ZMYND11: variants seen among roughly 807,000 people sequenced by gnomAD.
ZMYND11 encodes the protein zinc finger MYND-type containing 11.
ZMYND11 carries 9 observed loss-of-function variants against 84.9 expected under a neutral mutation model. That is an observed-to-expected ratio of 0.11 (90% CI 0.06 to 0.18). The LOEUF (loss-of-function observed/expected upper bound fraction) is 0.18, where lower values mean the gene tolerates loss of function less well. Ranked by LOEUF, ZMYND11 falls within the 10% of genes least tolerant of loss-of-function variation. The pLI is 1.00. For synonymous variants in ZMYND11, 250 were observed against 244.1 expected, an observed-to-expected ratio of 1.02 and a Z score of -0.23; for missense variants, 409 against 761.0, an observed-to-expected ratio of 0.54 and a Z score of 5.44.
At chr10:251,000 G>A (rs1313225568) in intron 14 of ZMYND11, among the ~76,000 whole-genome samples, 2 of 152,204 alleles carry the variant, frequency 1.3e-5, no homozygotes, top group Non-Finnish European at 2.9e-5. Flanking sequence ...TCCAGCCTGG[G>A]CGACAGAGCG....
chr10:156,603 A>G (rs2379049), intron 1 of ZMYND11, among the ~76,000 whole-genome samples: 98,321 of 152,044 alleles, frequency 0.65, 31,995 homozygotes, highest in East Asian at 0.83. Context: ...AAGATGTTAT[A>G]TACTTTAGCT....
At chr10:163,482 C>T (rs1554762679) in intron 1 of ZMYND11, among the ~76,000 whole-genome samples, 1 of 151,928 alleles carries the variant, frequency 6.6e-6, no homozygotes, top group Non-Finnish European at 1.5e-5. Flanking sequence ...GGGAGATTGC[C>T]TCAAATTTAT....
intron 1 of ZMYND11, among the ~76,000 whole-genome samples, chr10:170,201 A>G (rs1844962428): frequency 6.6e-6 from 1 of 152,138 alleles, no homozygotes; most frequent in Non-Finnish European, 1.5e-5. Context: ...TAAAAAGTAA[A>G]GATACAGACT....
At chr10:156,804 T>A (rs1016975148) in intron 1 of ZMYND11, among the ~76,000 whole-genome samples, 2 of 152,190 alleles carry the variant, frequency 1.3e-5, no homozygotes, top group Non-Finnish European at 2.9e-5. Context: ...TTCTGAATAC[T>A]TATTTAATAA....
At chr10:248,261 T>C in intron 12 of ZMYND11, 75 bp from the exon 13 acceptor site, 1 of 1,529,296 alleles carries the variant, frequency 6.5e-7, no homozygotes, top group Non-Finnish European at 8.8e-7. Flanking sequence ...TGAATTTTTA[T>C]CCGAATGGGG....
At chr10:196,640 A>C (rs1255169247) in intron 2 of ZMYND11, among the ~76,000 whole-genome samples, 1 of 152,210 alleles carries the variant, frequency 6.6e-6, no homozygotes, top group Non-Finnish European at 1.5e-5. Context: ...TATACTAAGA[A>C]GCATTGTACA....
intron 4 of ZMYND11, among the ~76,000 whole-genome samples, chr10:223,245 G>C (rs1164997522): frequency 3.9e-5 from 6 of 152,048 alleles, no homozygotes; most frequent in African/African-American, 1.4e-4. Flanking sequence ...GGTGTGGCCA[G>C]GCTGGTTGGT....
Position 252,908 on chromosome 10 carries a change from TGTTGA to T in ZMYND11, c.*440_*444del, listed in dbSNP as rs1233868254. Reference sequence around the variant, plus strand: ...TGATGTGACATTTTTTTCTTAACCTTGTTGAGCTGGTTTTGTTCAGCTTAATTTAC... The same window carrying T: ...TGATGTGACATTTTTTTCTTAACCTTGCTGGTTTTGTTCAGCTTAATTTAC... On this transcript the variant is annotated 3_prime_UTR_variant, in exon 15 of 15. Coordinates refer to ENST00000381604, the MANE Select transcript of ZMYND11 (RefSeq NM_001370100.5). This position sits in a 1 kb window ranked among gnomAD's most constrained non-coding sequence, Gnocchi z 4.6. The T allele has an allele frequency of 6.3e-6, 1 of 158,298 alleles. No homozygotes were observed. Among genetic ancestry groups the T allele is most frequent in the African/African-American group, 2.4e-5 (1 of 41,490 alleles). The allele number at this position is 158,298 out of a possible 1,614,324, so 9.8% of individuals were successfully genotyped here.
chr10:242,097 A>G lies in ZMYND11; in HGVS notation c.908A>G (p.Asp303Gly), dbSNP rs1397664698. 1.2e-6 allele frequency: 2 copies of G among 1,613,964 alleles called. No homozygotes were observed. Among genetic ancestry groups the G allele is most frequent in the Non-Finnish European group, 1.7e-6 (2 of 1,179,940 alleles). Reference sequence around the variant, plus strand: ...CCAGCCAAAGTCATGCAGAAAGAAGACAATCAAGTCGACGTTCGCTTCTTT... The same window carrying G: ...CCAGCCAAAGTCATGCAGAAAGAAGGCAATCAAGTCGACGTTCGCTTCTTT... ...FWPAKVMQKE[D>G]NQVDVRFFGH... Residue 303 changes from aspartate to glycine, a missense_variant, in exon 10 of 15, where the codon GAC (aspartate) becomes GGC (glycine). Physicochemically the swap from Asp to Gly is moderately conservative, Grantham distance 94. Around this residue, in one of 7 missense-constraint regions of ZMYND11, gnomAD observed 59 missense variants for 151.0 expected, o/e 0.39. Coordinates refer to ENST00000381604, the MANE Select transcript of ZMYND11 (RefSeq NM_001370100.5).
Position 249,095 on chromosome 10 carries a change from A to G in ZMYND11, c.1686+7A>G, listed in dbSNP as rs1564467966. 3 of 1,614,142 alleles carry G rather than the reference A, an allele frequency of 1.9e-6. No homozygotes were observed. Among genetic ancestry groups the G allele is most frequent in the Admixed American group, 1.7e-5 (1 of 60,022 alleles). ...GACCAAGAAGAAGCAGTGGGTAAAT[A>G]CCAGTCTTTTTTAGACCCTTATTTC... is the stretch of plus-strand genomic sequence containing the variant. On this transcript the variant is annotated splice_region_variant and intron_variant, in intron 14 of 14. Transcript: ENST00000381604.
At chr10:130,359 T>G (rs1835287696), upstream of ZMYND11, among the ~76,000 whole-genome samples, 1 of 152,148 alleles carries the variant, frequency 6.6e-6, no homozygotes, top group Non-Finnish European at 1.5e-5. Context: ...TCCTTAGGTG[T>G]CTTCGCTTTG....
At chr10:237,066 C>A (rs1950113294) in intron 5 of ZMYND11, 151 bp downstream of exon 5, 2 of 700,770 alleles carry the variant, frequency 2.9e-6, no homozygotes, top group Admixed American at 3.5e-5. Flanking sequence ...TTCTTTTTTG[C>A]AGTAAACAGT....
rs948431178 is a variant in ZMYND11, at chr10:249,481, T to C, written c.1686+393T>C. 4 of 984,754 alleles carry C rather than the reference T, an allele frequency of 4.1e-6. No individual in the cohort carries two copies. In the African/African-American group the frequency reaches 7.0e-5, roughly 17 times the overall value. 61.0% of individuals were successfully genotyped at this position (984,754 alleles called of 1,614,324 possible). Reference sequence around the variant, plus strand: ...AATGTAATTATCACAATAAATAGTTTCAGATTTCCCTGCACTTAACATTTA... The same window carrying C: ...AATGTAATTATCACAATAAATAGTTCCAGATTTCCCTGCACTTAACATTTA... On this transcript the variant is annotated intron_variant, in intron 14 of 14. Transcript: ENST00000381604.
At chr10:157,061 C>A (rs549150046) in intron 1 of ZMYND11, among the ~76,000 whole-genome samples, 2 of 152,094 alleles carry the variant, frequency 1.3e-5, no homozygotes, top group East Asian at 3.9e-4. Flanking sequence ...CTACTGCATA[C>A]CATAGTGAAC....
chr10:201,626 T>C (rs971880051), intron 2 of ZMYND11, among the ~76,000 whole-genome samples: 2 of 98,196 alleles, frequency 2.0e-5, no homozygotes, highest in Admixed American at 2.2e-4. Context: ...TATGTATTCG[T>C]CTTGGAACTT....
chr10:198,192 A>G (rs756244803), intron 2 of ZMYND11, among the ~76,000 whole-genome samples: 10 of 152,198 alleles, frequency 6.6e-5, no homozygotes, highest in Non-Finnish European at 1.5e-4. Flanking sequence ...ATGTCACAGT[A>G]AAAATGTTAT....
intron 4 of ZMYND11, among the ~76,000 whole-genome samples, chr10:233,393 G>A (rs944208416): frequency 1.3e-5 from 2 of 152,140 alleles, no homozygotes; most frequent in African/African-American, 4.8e-5. Context: ...CCATTCCTCT[G>A]ATTATTTTCC....
chr10:245,167 G>A (rs1185170371), intron 10 of ZMYND11, among the ~76,000 whole-genome samples: 2 of 152,082 alleles, frequency 1.3e-5, no homozygotes, highest in Admixed American at 6.5e-5. Flanking sequence ...ACTTTGATAT[G>A]GTTTTTAACA....
At chr10:164,522 G>A (rs1183104844) in intron 1 of ZMYND11, among the ~76,000 whole-genome samples, 1 of 152,058 alleles carries the variant, frequency 6.6e-6, no homozygotes, top group African/African-American at 2.4e-5. Flanking sequence ...CACCAATTGG[G>A]GATTGCCATT....
Sources: allele counts gnomAD v4.1 joint callset (sites outside exome capture counted in the v4.1 genomes callset), GRCh38; gene constraint gnomAD v4.1.1; regional missense constraint gnomAD v4.1.1; non-coding constraint Gnocchi (gnomAD v3.1); transcripts MANE v1.5; gene names NCBI Gene and HGNC (gene_info 2026-07-23, HGNC 2026-07-21).